The following NTPCR variants were observed in gnomAD, a reference collection of about 807,000 sequenced individuals.
NTPCR encodes the protein cancer-related nucleoside-triphosphatase.
NTPCR carries 15 observed loss-of-function variants against 19.5 expected under a neutral mutation model. That is an observed-to-expected ratio of 0.77 (90% CI 0.51 to 1.18). The LOEUF is 1.18. Among genes scored for constraint, NTPCR ranks in the 50% most tolerant of loss-of-function variants. The pLI, the probability that NTPCR is intolerant of heterozygous loss-of-function variation, is 0.00. For missense variants in NTPCR, 206 were observed against 240.4 expected, an observed-to-expected ratio of 0.86 and a Z score of 0.95; for synonymous variants, 90 against 95.8, an observed-to-expected ratio of 0.94 and a Z score of 0.36.
intron 1 of NTPCR, among the ~76,000 whole-genome samples, chr1:232,953,825 C>T (rs930368645): frequency 8.6e-5 from 13 of 151,738 alleles, no homozygotes; most frequent in African/African-American, 3.1e-4. Context: ...GGTCTATTTT[C>T]CATGCTAATA....
At chr1:232,966,664 C>T (rs1668825040) in intron 3 of NTPCR, 1 of 152,190 alleles carries the variant, frequency 6.6e-6, no homozygotes, top group African/African-American at 2.4e-5. Flanking sequence ...TTCGTAGCTT[C>T]TCTTATCCCT....
intron 1 of NTPCR, 97 bp downstream of exon 1, chr1:232,950,841 A>C: frequency 2.6e-6 from 2 of 765,542 alleles, no homozygotes; most frequent in Non-Finnish European, 4.2e-6. Context: ...CTCCGGCTCC[A>C]GGGCTCCGGC....
chr1:232,976,037 T>C (rs1669113607), intron 4 of NTPCR, among the ~76,000 whole-genome samples: 1 of 152,194 alleles, frequency 6.6e-6, no homozygotes, highest in Non-Finnish European at 1.5e-5. Flanking sequence ...GAGTTGCACA[T>C]CAACATTTTA....
chr1:232,961,222 G>A (rs1292544062), intron 3 of NTPCR, among the ~76,000 whole-genome samples: 2 of 152,218 alleles, frequency 1.3e-5, no homozygotes, highest in Non-Finnish European at 2.9e-5. Flanking sequence ...AAGTAACCTT[G>A]CAACAAAGCA....
intron 1 of NTPCR, 126 bp from the exon 2 acceptor site, chr1:232,955,431 A>G (rs1004765712): frequency 3.0e-6 from 2 of 669,026 alleles, no homozygotes; most frequent in South Asian, 5.5e-5. Flanking sequence ...TCATAAATCC[A>G]TTTACAGCCC....
intron 4 of NTPCR, chr1:232,977,094 C>T (rs1669145151): frequency 6.6e-6 from 1 of 152,516 alleles, no homozygotes; most frequent in South Asian, 2.1e-4. Context: ...ATACAACCAC[C>T]CTGAACCTCA....
In NTPCR at chr1:232,970,018, C is replaced by T. The variant is rs1234075088; in HGVS notation, c.404C>T (p.Thr135Ile). ...CAAGCTGTTCGTCAGACGCTGTCTACCCCAGGGACTATAATCCTTGGCACA... is the reference window on the plus strand; with the variant it reads ...CAAGCTGTTCGTCAGACGCTGTCTATCCCAGGGACTATAATCCTTGGCACA... ...FIQAVRQTLS[T>I]PGTIILGTIP... Residue 135 changes from threonine to isoleucine, a missense_variant, in exon 4 of 5, where the codon ACC becomes ATC. By Grantham distance (89) the Thr-to-Ile change is moderately conservative. Transcript: ENST00000366628. The T allele has an allele frequency of 1.9e-6, 3 of 1,613,894 alleles. No homozygotes were observed. The highest frequency in any genetic ancestry group is 1.6e-4 in the Middle Eastern group (1 of 6,084).
Position 232,975,426 on chromosome 1 carries a change from T to C in NTPCR, c.505-2737T>C, listed in dbSNP as rs114662647. On this transcript the variant is annotated intron_variant, in intron 4 of 4. Coordinates refer to ENST00000366628, the MANE Select transcript of NTPCR (RefSeq NM_032324.3). The stretch of plus-strand genomic sequence containing the variant: ...TGCAGTACCAGATACTGGGTCCTGC[T>C]TATGTTCTGACTTTAACAACCCCAG... Among the ~76,000 whole-genome samples the C allele has an allele frequency of 7.4e-3, 1,123 of 152,326 alleles. 15 individuals carry two copies. The highest frequency in any genetic ancestry group is 0.025 in the African/African-American group (1,019 of 41,574).
intron 3 of NTPCR, chr1:232,968,129 A>G (rs1373351161): frequency 6.6e-6 from 1 of 152,106 alleles, no homozygotes; most frequent in Non-Finnish European, 1.5e-5. Flanking sequence ...CCCAGGAAGG[A>G]TGCGGACGAG....
chr1:232,969,268 C>T (rs988774823), intron 3 of NTPCR: 5 of 153,186 alleles, frequency 3.3e-5, no homozygotes, highest in African/African-American at 1.2e-4. Context: ...CACTTCTCTT[C>T]CCCCAGAGTG....
At chr1:232,966,336 G>T (rs1042722051) in intron 3 of NTPCR, 1 of 152,154 alleles carries the variant, frequency 6.6e-6, no homozygotes, top group Non-Finnish European at 1.5e-5. Context: ...GCTAGTCTGT[G>T]TGTCTGATAT....
intron 4 of NTPCR, among the ~76,000 whole-genome samples, chr1:232,971,272 A>G (rs1303434033): frequency 6.6e-6 from 1 of 152,184 alleles, no homozygotes; most frequent in Admixed American, 6.5e-5. Context: ...CTGGCCCTGC[A>G]AGTGCCAAGT....
rs180984244 is a variant in NTPCR at position 232,955,759 on chromosome 1, C to G, written c.197+40C>G. 2.5e-6 allele frequency: 4 copies of G among 1,587,836 alleles called. No homozygotes were observed. In the East Asian group the frequency reaches 9.0e-5, roughly 36 times the overall value. ...TTTCTGTGGTGTTCTATTATCTAAG[C>G]TCCCCTTCCATCTGTGCTTTGGGAG... On this transcript the variant is annotated intron_variant, in intron 2 of 4. Coordinates refer to ENST00000366628, the MANE Select transcript of NTPCR (RefSeq NM_032324.3).
At chr1:232,952,847 T>G (rs1668408977) in intron 1 of NTPCR, among the ~76,000 whole-genome samples, 2 of 152,138 alleles carry the variant, frequency 1.3e-5, no homozygotes, top group South Asian at 4.1e-4. Flanking sequence ...CCCTGGCACT[T>G]AGCATTTTTT....
rs201437316 is a variant in NTPCR, at chr1:232,972,238, G to GT, written c.504+2129dup. ...TAAGAGATAGGGGCTGACATACCCT[G>GT]TTTTTTTTTGTTGTTGTTGCTTTGG... On this transcript the variant is annotated intron_variant, in intron 4 of 4. Coordinates refer to ENST00000366628, the MANE Select transcript of NTPCR (RefSeq NM_032324.3). Among the ~76,000 whole-genome samples the GT allele has an allele frequency of 1.7e-3, 263 of 151,192 alleles. 2 individuals are homozygous for GT. Among genetic ancestry groups the GT allele is most frequent in the African/African-American group, 5.1e-3 (209 of 41,236 alleles).
At chr1:232,959,293 G>A (rs912501881) in intron 3 of NTPCR, among the ~76,000 whole-genome samples, 1 of 152,164 alleles carries the variant, frequency 6.6e-6, no homozygotes, top group African/African-American at 2.4e-5. Context: ...GCCGCCACGT[G>A]AAGAATATCC....
chr1:232,982,481 C>T lies in NTPCR; in HGVS notation c.*4250C>T, dbSNP rs1273703804. 1 of 152,248 alleles carries T rather than the reference C, an allele frequency of 6.6e-6. No homozygotes were observed. Among genetic ancestry groups the T allele is most frequent in the Non-Finnish European group, 1.5e-5 (1 of 68,056 alleles). 9.4% of individuals were successfully genotyped at this position (152,248 alleles called of 1,614,324 possible). ...AGATACACTGTGTCACTTTCATCCT[C>T]CCTCCTCCCCACAAAAGATGCCACG... On this transcript the variant is annotated 3_prime_UTR_variant, in exon 5 of 5. Coordinates refer to ENST00000366628, the MANE Select transcript of NTPCR (RefSeq NM_032324.3).
intron 4 of NTPCR, among the ~76,000 whole-genome samples, chr1:232,977,854 G>C (rs996155865): frequency 1.3e-5 from 2 of 152,150 alleles, no homozygotes; most frequent in African/African-American, 4.8e-5. Flanking sequence ...GGTCCTGTGT[G>C]CCCATCATCC....
intron 1 of NTPCR, among the ~76,000 whole-genome samples, chr1:232,952,499 T>C (rs916810998): frequency 2.0e-5 from 3 of 151,682 alleles, no homozygotes; most frequent in Non-Finnish European, 4.4e-5. Context: ...GTGAGCCACC[T>C]TACCCATCTT....
Sources: gnomAD v4.1 joint callset for allele counts (sites outside exome capture counted in the v4.1 genomes callset) on GRCh38, gnomAD v4.1.1 for gene constraint, MANE v1.5 for transcripts, NCBI Gene and HGNC (gene_info 2026-07-23, HGNC 2026-07-21) for gene names.